Variants in MTTP observed in about 807,000 individuals in gnomAD.
The protein encoded by MTTP is microsomal triglyceride transfer protein.
In MTTP, 49 loss-of-function variants were observed where a neutral mutation model predicts 90.6. The ratio of observed to expected loss-of-function variants is 0.54; its 90% confidence interval spans 0.43 to 0.69. MTTP has a LOEUF of 0.69. Ranked by LOEUF, MTTP falls within the 30% of genes least tolerant of loss-of-function variation. The pLI is 0.00. For missense variants in MTTP, 945 were observed against 1,067.5 expected, an observed-to-expected ratio of 0.89 and a Z score of 1.60; for synonymous variants, 347 against 384.2, an observed-to-expected ratio of 0.90 and a Z score of 1.13.
chr4:99,609,073 C>A, intron 12 of MTTP, 96 bp downstream of exon 12: 1 of 1,216,776 alleles, frequency 8.2e-7, no homozygotes, highest in Non-Finnish European at 1.2e-6. Flanking sequence ...GGTCATTATG[C>A]AGGGTTACGT....
chr4:99,598,428 A>T (rs1021667788), intron 8 of MTTP, among the ~76,000 whole-genome samples: 2 of 152,162 alleles, frequency 1.3e-5, no homozygotes, highest in Non-Finnish European at 1.5e-5. Flanking sequence ...TAGAGATTAC[A>T]TTAAACCTTA....
intron 15 of MTTP, among the ~76,000 whole-genome samples, chr4:99,614,953 A>C (rs1048441306): frequency 2.0e-5 from 3 of 152,242 alleles, no homozygotes; most frequent in Non-Finnish European, 4.4e-5. Context: ...CATGAAAAAA[A>C]CAGTTCTCAA....
intron 1 of MTTP, among the ~76,000 whole-genome samples, chr4:99,568,114 A>G (rs1017239930): frequency 2.1e-4 from 32 of 152,146 alleles, no homozygotes; most frequent in Non-Finnish European, 4.4e-5. Context: ...AACTCAGACA[A>G]TAATAAGAAA....
chr4:99,576,694 CAA>C (rs10630406), intron 1 of MTTP, among the ~76,000 whole-genome samples: 9 of 69,968 alleles, frequency 1.3e-4, no homozygotes, highest in Non-Finnish European at 2.5e-5. Context: ...GACTCCGTCT[CAA>C]AAAAAAAAAA....
At chr4:99,605,656 G>A (rs1725796472) in intron 10 of MTTP, among the ~76,000 whole-genome samples, 2 of 152,082 alleles carry the variant, frequency 1.3e-5, no homozygotes, top group East Asian at 1.9e-4. Flanking sequence ...TACCATTTTA[G>A]GCTTTCATCA....
In MTTP at chr4:99,574,863, G is replaced by T. The variant is rs746117636; in HGVS notation, c.-47G>T. 9 of 1,614,100 alleles carry T rather than the reference G, an allele frequency of 5.6e-6. No homozygotes were observed. The Admixed American group carries it at 1.0e-4, about 18-fold the overall frequency. The stretch of plus-strand genomic sequence containing the variant: ...TGCCATTGAAAGAGTCCACTTCTCA[G>T]TGACTCCTAGCTGGGCACTGGATGC... On this transcript the variant is annotated 5_prime_UTR_variant, in exon 1 of 18. Transcript: ENST00000265517.
intron 8 of MTTP, among the ~76,000 whole-genome samples, chr4:99,598,724 C>T (rs189410283): frequency 3.5e-4 from 45 of 129,582 alleles, no homozygotes; most frequent in Admixed American, 1.5e-3. Context: ...AGTGCAATGG[C>T]GCAATCTTGG....
chr4:99,598,555 T>C (rs1725613232), intron 8 of MTTP, among the ~76,000 whole-genome samples: 2 of 151,734 alleles, frequency 1.3e-5, no homozygotes, highest in Admixed American at 1.3e-4. Flanking sequence ...GCAACACACA[T>C]GTAGTGTAGT....
Position 99,600,460 on chromosome 4 carries a change from A to G in MTTP, c.1068-105A>G, listed in dbSNP as rs1339360438. 6.1e-6 allele frequency: 7 copies of G among 1,148,046 alleles called. No homozygotes were observed. In the African/African-American group the frequency reaches 7.8e-5, roughly 13 times the overall value. The allele number at this position is 1,148,046 out of a possible 1,614,324, so 71.1% of individuals were successfully genotyped here. ...ATTTGTTCAAATTAAAAAAAAAATC[A>G]CTTCTTGAGAAAACTCAAACCAATA... On this transcript the variant is annotated intron_variant, in intron 8 of 17. Coordinates refer to ENST00000265517, the MANE Select transcript of MTTP (RefSeq NM_001386140.1).
At position 99,608,867 on chromosome 4, in the gene MTTP, C is replaced by T. The variant is rs2110230179; in HGVS notation, c.1659C>T (p.Ser553=). ...CTATCATTTTAAATAACAATCCATC[C>T]TACATGGACGTCAAGAACATCCTGC... ...AAAIILNNNP[S]YMDVKNILLS... The change falls in exon 12 of 18, where the codon TCC becomes TCT. Residue 553 remains serine (S), a synonymous_variant. Transcript: ENST00000265517. 3 of 1,614,112 alleles carry T rather than the reference C, an allele frequency of 1.9e-6. No homozygotes were observed. Among genetic ancestry groups the T allele is most frequent in the Non-Finnish European group, 2.5e-6 (3 of 1,179,976 alleles).
At chr4:99,596,574 A>C (rs756297506) in intron 7 of MTTP, among the ~76,000 whole-genome samples, 21 of 152,156 alleles carry the variant, frequency 1.4e-4, no homozygotes, top group Non-Finnish European at 2.5e-4. Context: ...TTTTGTACAA[A>C]TAATAAAATA....
chr4:99,586,679 CTT>C (rs1725266536), intron 3 of MTTP, among the ~76,000 whole-genome samples: 1 of 152,060 alleles, frequency 6.6e-6, no homozygotes, highest in South Asian at 2.1e-4. Context: ...TGCTGGGATT[CTT>C]TTTATTATTT....
intron 10 of MTTP, among the ~76,000 whole-genome samples, chr4:99,602,961 AC>A (rs1243573409): frequency 6.6e-6 from 1 of 152,182 alleles, no homozygotes; most frequent in African/African-American, 2.4e-5. Context: ...TGAAATATAA[AC>A]AAAGTGCTCA....
rs372321643 is a variant in MTTP, at chr4:99,608,826, C to T, written c.1618C>T (p.Arg540Cys). ...CCGTAAAGTTCATGAAAAGACTGTG[C>T]GCACTGCTGCAGCTGCTATCATTTT... ...QNRKVHEKTV[R>C]TAAAAIILNN... is the part of the protein sequence containing the mutation. The change falls in exon 12 of 18, where the codon CGC becomes TGC. Residue 540 changes from arginine (R) to cysteine (C), a missense_variant. By Grantham distance (180) the Arg-to-Cys change is radical. Coordinates refer to ENST00000265517, the MANE Select transcript of MTTP (RefSeq NM_001386140.1). 42 of 1,613,958 alleles carry T rather than the reference C, an allele frequency of 2.6e-5. No homozygotes were observed. The highest frequency in any genetic ancestry group is 1.6e-4 in the Middle Eastern group (1 of 6,082).
chr4:99,592,423 G>C (rs13139650), intron 6 of MTTP, among the ~76,000 whole-genome samples: 45,355 of 152,024 alleles, frequency 0.3, 8,122 homozygotes, highest in African/African-American at 0.5. Context: ...AACTTTTGAA[G>C]TACTCTGTAA....
chr4:99,594,129 C>T (rs144179596), intron 6 of MTTP, among the ~76,000 whole-genome samples: 6,549 of 152,286 alleles, frequency 0.043, 153 homozygotes, highest in Non-Finnish European at 0.056. Flanking sequence ...TAGCTCAAGG[C>T]TCCGAAGCAC....
intron 8 of MTTP, 64 bp from the exon 9 acceptor site, chr4:99,600,501 G>T: frequency 6.7e-7 from 1 of 1,484,458 alleles, no homozygotes. Context: ...TCTGTGAATG[G>T]TAGAGATTTT....
chr4:99,623,045 A>T lies in MTTP; in HGVS notation c.*197A>T. ...GCTACCCACAGCGTCATTTTGAATC[A>T]TCATGTGACGCTTTCAACAACGTTC... On this transcript the variant is annotated 3_prime_UTR_variant, in exon 18 of 18. Coordinates refer to ENST00000265517, the MANE Select transcript of MTTP (RefSeq NM_001386140.1). 1.6e-6 allele frequency: 1 copy of T among 620,812 alleles called. No homozygotes were observed. Among genetic ancestry groups the T allele is most frequent in the Non-Finnish European group, 2.9e-6 (1 of 348,676 alleles). 38.5% of individuals were successfully genotyped at this position (620,812 alleles called of 1,614,324 possible). A position where few individuals can be genotyped will look rare whatever the true frequency, so the allele number is the denominator to read the frequency against.
chr4:99,586,070 A>G (rs1725251269), intron 3 of MTTP, among the ~76,000 whole-genome samples: 1 of 152,104 alleles, frequency 6.6e-6, no homozygotes, highest in South Asian at 2.1e-4. Flanking sequence ...TGGGATTTCA[A>G]GGATGCTCAT....
Sources: gnomAD v4.1 joint callset for allele counts (sites outside exome capture counted in the v4.1 genomes callset) on GRCh38, gnomAD v4.1.1 for gene constraint, MANE v1.5 for transcripts, NCBI Gene and HGNC (gene_info 2026-07-23, HGNC 2026-07-21) for gene names.